PHF21A: variants seen among roughly 807,000 people sequenced by gnomAD.
PHF21A encodes the protein BHC80a.
Under a neutral mutation model 82.5 loss-of-function variants are expected in PHF21A, and 11 were observed. The ratio of observed to expected loss-of-function variants is 0.13; its 90% CI spans 0.08 to 0.22. The LOEUF is 0.22. Among genes scored for constraint, PHF21A ranks in the 10% least tolerant of loss-of-function variants. The pLI is 1.00. For missense variants in PHF21A, 579 were observed against 837.8 expected (o/e 0.69, Z 3.81); for synonymous variants, 297 against 302.8 (o/e 0.98, Z 0.20).
chr11:45,975,397 T>C lies in PHF21A; in HGVS notation c.361-4030A>G, dbSNP rs939735450. 5.0e-5 allele frequency among the ~76,000 whole-genome samples: 7 copies of C among 139,620 alleles called. No homozygotes were observed. In the South Asian group the frequency reaches 1.1e-3, roughly 23 times the overall value. The allele number at this position is 139,620 out of a possible 152,430, so 91.6% of individuals were successfully genotyped here. A position where few individuals can be genotyped will look rare whatever the true frequency, so the allele number is the denominator to read the frequency against. ...TAAAATAAAACAAAACAAAATAAAA[T>C]AAAACAGATGAACTCCAATATACAA... On this transcript the variant is annotated intron_variant, in intron 7 of 18. Transcript: ENST00000676320.
chr11:45,974,940 T>G (rs747498734), intron 7 of PHF21A, among the ~76,000 whole-genome samples: 2 of 152,192 alleles, frequency 1.3e-5, no homozygotes, highest in Admixed American at 6.5e-5. Context: ...ATACTGCCAA[T>G]AGCAAAATCC....
intron 15 of PHF21A, among the ~76,000 whole-genome samples, chr11:45,944,305 T>C (rs1266474641): frequency 6.6e-6 from 1 of 152,190 alleles, no homozygotes; most frequent in Non-Finnish European, 1.5e-5. Context: ...GTTACCTTGT[T>C]CCCCTAAAAT....
At position 46,062,857 on chromosome 11, in the gene PHF21A, T is replaced by C. The variant is rs1191459283; in HGVS notation, c.153+13897A>G. ...TGAAAGCAGATCTCCACACAAAGAC[T>C]TGGACATGAATGTTCAAATTAATGT... On this transcript the variant is annotated intron_variant, in intron 6 of 18. Coordinates refer to ENST00000676320, the MANE Select transcript of PHF21A (RefSeq NM_001352027.3). Among the ~76,000 whole-genome samples, 3 of 152,332 alleles carry C rather than the reference T, an allele frequency of 2.0e-5. No homozygotes were observed. The East Asian group carries it at 5.8e-4, about 29-fold the overall frequency.
At chr11:46,017,704 C>G (rs533535629) in intron 6 of PHF21A, among the ~76,000 whole-genome samples, 6 of 152,182 alleles carry the variant, frequency 3.9e-5, no homozygotes, top group Admixed American at 3.3e-4. Flanking sequence ...TTACATAAAT[C>G]AAATGCAAAT....
At chr11:46,103,113 C>A (rs1212154422) in intron 1 of PHF21A, among the ~76,000 whole-genome samples, 1 of 152,216 alleles carries the variant, frequency 6.6e-6, no homozygotes, top group African/African-American at 2.4e-5. Flanking sequence ...CCGTCACATA[C>A]AGCACCACTT....
chr11:46,117,032 T>C (rs1851521749), intron 1 of PHF21A: 1 of 152,168 alleles, frequency 6.6e-6, no homozygotes, highest in African/African-American at 2.4e-5. Flanking sequence ...CTTTCTCAAC[T>C]GATATGGAAA....
intron 6 of PHF21A, among the ~76,000 whole-genome samples, chr11:45,999,111 G>A (rs1362516909): frequency 6.6e-6 from 1 of 152,188 alleles, no homozygotes; most frequent in Non-Finnish European, 1.5e-5. Flanking sequence ...ACAGGCGTGA[G>A]CCACTGTGCC....
At chr11:45,936,824 A>C in intron 16 of PHF21A, 1 of 414,898 alleles carries the variant, frequency 2.4e-6, no homozygotes, top group South Asian at 3.3e-5. Context: ...TTGGCTGAGC[A>C]TTCCTATCTT....
chr11:46,046,273 T>C (rs183689228), intron 6 of PHF21A, among the ~76,000 whole-genome samples: 68 of 152,218 alleles, frequency 4.5e-4, no homozygotes, highest in African/African-American at 1.6e-3. Flanking sequence ...ACAGTGCCAA[T>C]AGCACTGGGG....
chr11:46,031,556 C>T (rs752426464), intron 6 of PHF21A, among the ~76,000 whole-genome samples: 3 of 152,040 alleles, frequency 2.0e-5, no homozygotes, highest in Admixed American at 2.0e-4. Flanking sequence ...TTCATGCAGC[C>T]GGTACGAATT....
chr11:46,078,993 C>T (rs1243705640), intron 5 of PHF21A, 141 bp downstream of exon 5: 3 of 531,780 alleles, frequency 5.6e-6, no homozygotes, highest in Non-Finnish European at 1.0e-5. Flanking sequence ...ACCTGAAGAT[C>T]AATGTATTAA....
intron 17 of PHF21A, 148 bp from the exon 18 acceptor site, chr11:45,935,887 G>A: frequency 1.7e-6 from 1 of 604,424 alleles, no homozygotes; most frequent in Non-Finnish European, 2.9e-6. Flanking sequence ...CTGCCCACCT[G>A]GACTTTTCCT....
At chr11:46,083,124 T>C (rs551784781) in intron 4 of PHF21A, among the ~76,000 whole-genome samples, 1 of 152,162 alleles carries the variant, frequency 6.6e-6, no homozygotes, top group African/African-American at 2.4e-5. Context: ...AGCTTGTTTT[T>C]GTAACAAATT....
chr11:46,113,962 G>A (rs1431715128), intron 1 of PHF21A, among the ~76,000 whole-genome samples: 1 of 151,616 alleles, frequency 6.6e-6, no homozygotes, highest in Non-Finnish European at 1.5e-5. Flanking sequence ...TTGCCCACCA[G>A]GAAATAATTT....
chr11:45,934,326 A>C, intron 18 of PHF21A, 101 bp from the exon 19 acceptor site: 1 of 1,208,564 alleles, frequency 8.3e-7, no homozygotes, highest in Non-Finnish European at 1.2e-6. Flanking sequence ...AGGGAGAAGA[A>C]GCTCTGCTGG....
intron 4 of PHF21A, among the ~76,000 whole-genome samples, chr11:46,079,607 A>G (rs1269943032): frequency 6.6e-6 from 1 of 152,212 alleles, no homozygotes; most frequent in Non-Finnish European, 1.5e-5. Flanking sequence ...TTCTTACCAC[A>G]GAAGGAGCTT....
intron 17 of PHF21A, among the ~76,000 whole-genome samples, chr11:45,936,041 G>A (rs1020240793): frequency 6.6e-6 from 1 of 152,166 alleles, no homozygotes; most frequent in Non-Finnish European, 1.5e-5. Context: ...ACTTTGGGAG[G>A]CCAAGGCAGG....
chr11:46,024,078 A>C (rs1335443225), intron 6 of PHF21A, among the ~76,000 whole-genome samples: 1 of 152,240 alleles, frequency 6.6e-6, no homozygotes, highest in East Asian at 1.9e-4. Flanking sequence ...GCAATTGGTT[A>C]TGAAAGCAAG....
intron 6 of PHF21A, among the ~76,000 whole-genome samples, chr11:45,992,978 G>A (rs2094770239): frequency 6.6e-6 from 1 of 152,200 alleles, no homozygotes; most frequent in Non-Finnish European, 1.5e-5. Flanking sequence ...TAGAGTAGAG[G>A]TCAGAAAACT....
Sources: gnomAD v4.1 joint callset for allele counts (sites outside exome capture counted in the v4.1 genomes callset) on GRCh38, gnomAD v4.1.1 for gene constraint, MANE v1.5 for transcripts, NCBI Gene and HGNC (gene_info 2026-07-23, HGNC 2026-07-21) for gene names.